FBXO36: variants seen among roughly 807,000 people sequenced by gnomAD.
FBXO36 encodes the protein F-box only protein 36.
In FBXO36, 18 loss-of-function variants were observed where a neutral mutation model predicts 17.0. The observed-to-expected ratio is 1.06, with a 90% CI of 0.73 to 1.57. FBXO36 has a LOEUF of 1.57. Ranked by LOEUF, FBXO36 falls within the 40% of genes most tolerant of loss-of-function variation. The pLI is 0.00. For synonymous variants in FBXO36, 83 were observed against 85.3 expected (o/e 0.97, Z 0.15); for missense variants, 229 against 221.9 (o/e 1.03, Z -0.20).
At chr2:229,950,293 G>A (rs1339949871) in intron 1 of FBXO36, among the ~76,000 whole-genome samples, 1 of 152,102 alleles carries the variant, frequency 6.6e-6, no homozygotes, top group Non-Finnish European at 1.5e-5. Flanking sequence ...GGGCATGGTG[G>A]CACGTGCCTG....
chr2:229,977,980 A>AAAGGATTTGCCAG (rs1382107827), intron 2 of FBXO36, among the ~76,000 whole-genome samples: 1 of 152,152 alleles, frequency 6.6e-6, no homozygotes, highest in Non-Finnish European at 1.5e-5. Context: ...TGCCAGGTGC[A>AAAGGATTTGCCAG]GTGGTTCATA....
chr2:229,941,973 G>A (rs1184267545), intron 1 of FBXO36, among the ~76,000 whole-genome samples: 3 of 152,016 alleles, frequency 2.0e-5, no homozygotes, highest in Non-Finnish European at 2.9e-5. Context: ...CTGAGATTAT[G>A]CCACTGCACT....
intron 1 of FBXO36, among the ~76,000 whole-genome samples, chr2:229,939,623 A>G (rs1354179288): frequency 6.6e-6 from 1 of 152,024 alleles, no homozygotes; most frequent in Non-Finnish European, 1.5e-5. Context: ...AAAAAGAGAG[A>G]GAAATAGATT....
intron 2 of FBXO36, among the ~76,000 whole-genome samples, chr2:229,978,357 C>T (rs2106196432): frequency 6.6e-6 from 1 of 151,370 alleles, no homozygotes; most frequent in East Asian, 2.0e-4. Context: ...CCAAGGTGGG[C>T]AGATCACCTG....
At chr2:229,994,386 A>G (rs1245403391) in intron 2 of FBXO36, among the ~76,000 whole-genome samples, 1 of 152,104 alleles carries the variant, frequency 6.6e-6, no homozygotes, top group East Asian at 1.9e-4. Flanking sequence ...TCTATTTTCT[A>G]TTTCTGTATT....
intron 3 of FBXO36, among the ~76,000 whole-genome samples, chr2:230,001,346 G>A (rs1397173736): frequency 6.6e-6 from 1 of 151,166 alleles, no homozygotes; most frequent in African/African-American, 2.4e-5. Flanking sequence ...GGAGTGCAAT[G>A]GCACCATCTC....
intron 2 of FBXO36, among the ~76,000 whole-genome samples, chr2:229,992,470 T>C (rs2077302840): frequency 1.3e-5 from 2 of 152,154 alleles, no homozygotes; most frequent in South Asian, 4.1e-4. Flanking sequence ...CACTTAATCT[T>C]TTGTCTTCAT....
intron 1 of FBXO36, chr2:229,973,171 G>A (rs1046516597): frequency 6.6e-6 from 1 of 151,892 alleles, no homozygotes; most frequent in Admixed American, 6.6e-5. Context: ...GCTTATGATA[G>A]CTATTGCCAA....
At position 229,922,601 on chromosome 2, in the gene FBXO36, C is replaced by T. The variant is rs779134417; in HGVS notation, c.88C>T (p.Arg30Trp). ...SKDYYQLLVT[R>W]SQVIFRWWKI... The stretch of plus-strand genomic sequence containing the variant: ...AGACTATTACCAGTTACTGGTCACC[C>T]GGTCTCAGGCAAGTGCGAGCCGCGG... The change falls in exon 1 of 4, where the codon CGG (arginine) becomes TGG (tryptophan). Residue 30 changes from arginine to tryptophan, a missense_variant. Transcript: ENST00000283946. 5 of 1,613,994 alleles carry T rather than the reference C, an allele frequency of 3.1e-6. No individual in the cohort carries two copies. In the South Asian group the frequency reaches 4.4e-5, roughly 14 times the overall value.
chr2:229,996,514 A>T (rs2077328257), intron 2 of FBXO36, among the ~76,000 whole-genome samples: 1 of 152,110 alleles, frequency 6.6e-6, no homozygotes, highest in South Asian at 2.1e-4. Flanking sequence ...TCACTGTGTT[A>T]AACAGTGAGT....
intron 1 of FBXO36, among the ~76,000 whole-genome samples, chr2:229,954,580 C>A (rs1377680061): frequency 2.3e-5 from 3 of 127,838 alleles, no homozygotes; most frequent in African/African-American, 8.7e-5. Context: ...GGGAGTCTCG[C>A]TCTGTCACCC....
intron 3 of FBXO36, among the ~76,000 whole-genome samples, chr2:230,009,894 C>T (rs1430311070): frequency 2.0e-5 from 3 of 152,016 alleles, no homozygotes; most frequent in African/African-American, 4.8e-5. Flanking sequence ...TGCAGTGAGC[C>T]GAGATCGCAC....
chr2:229,945,034 AAATT>A (rs2077019622), intron 1 of FBXO36: 2 of 152,228 alleles, frequency 1.3e-5, no homozygotes, highest in African/African-American at 4.8e-5. Flanking sequence ...TGTAAAGAGA[AAATT>A]AATTGAAGAA....
chr2:230,000,408 T>C (rs924549977), intron 3 of FBXO36, among the ~76,000 whole-genome samples: 1 of 150,420 alleles, frequency 6.6e-6, no homozygotes, highest in African/African-American at 2.4e-5. Flanking sequence ...ATTCATACTT[T>C]AAATGAAAAG....
chr2:229,939,955 G>A lies in FBXO36; in HGVS notation c.96+17346G>A, dbSNP rs558404433. Among the ~76,000 whole-genome samples the A allele has an allele frequency of 4.6e-5, 7 of 152,206 alleles. No homozygotes were observed. In the East Asian group the frequency reaches 1.2e-3, roughly 25 times the overall value. Reference sequence around the variant, plus strand: ...AAAATTAGCCAGGCGTGGTGGCGCAGGCCCGTAGTCCCAGCTACTTGGAGG... The same window carrying A: ...AAAATTAGCCAGGCGTGGTGGCGCAAGCCCGTAGTCCCAGCTACTTGGAGG... On this transcript the variant is annotated intron_variant, in intron 1 of 3. Coordinates refer to ENST00000283946, the MANE Select transcript of FBXO36 (RefSeq NM_174899.5).
chr2:229,976,550 G>T (rs1376334047), intron 2 of FBXO36: 2 of 452,464 alleles, frequency 4.4e-6, no homozygotes, highest in Non-Finnish European at 7.9e-6. Flanking sequence ...GCCGGGCGCG[G>T]TCGCTCATGC....
intron 1 of FBXO36, among the ~76,000 whole-genome samples, chr2:229,947,633 CTAAAG>C (rs1476249664): frequency 6.6e-6 from 1 of 152,168 alleles, no homozygotes; most frequent in Non-Finnish European, 1.5e-5. Flanking sequence ...TCATGATCCT[CTAAAG>C]TACCACGGAG....
intron 2 of FBXO36, among the ~76,000 whole-genome samples, chr2:229,985,034 C>T (rs992349280): frequency 8.5e-5 from 13 of 152,136 alleles, no homozygotes; most frequent in African/African-American, 3.1e-4. Context: ...TCAGGGTTAA[C>T]GTGACCAAGG....
At chr2:229,965,541 C>T (rs1276901834) in intron 1 of FBXO36, among the ~76,000 whole-genome samples, 1 of 136,800 alleles carries the variant, frequency 7.3e-6, no homozygotes, top group Non-Finnish European at 1.5e-5. Context: ...AACCCCACAA[C>T]AGGCCCCAGT....
Sources: gnomAD v4.1 joint callset for allele counts (sites outside exome capture counted in the v4.1 genomes callset) on GRCh38, gnomAD v4.1.1 for gene constraint, MANE v1.5 for transcripts, NCBI Gene and HGNC (gene_info 2026-07-23, HGNC 2026-07-21) for gene names.